Variants in CACNA2D2 observed in about 807,000 individuals in gnomAD.
The protein encoded by CACNA2D2 is voltage-dependent calcium channel subunit alpha-2/delta-2.
CACNA2D2 carries 48 observed loss-of-function variants against 166.4 expected under a neutral mutation model. The ratio of observed to expected loss-of-function variants is 0.29; its 90% confidence interval spans 0.23 to 0.37. The LOEUF is 0.37. CACNA2D2 is among the 10% of genes least tolerant of loss of function. CACNA2D2 has a pLI of 1.00. For missense variants in CACNA2D2, 1,122 were observed against 1,433.0 expected (o/e 0.78, Z 3.50); for synonymous variants, 561 against 573.7 (o/e 0.98, Z 0.32).
At chr3:50,422,047 A>AC (rs1707593662) in intron 3 of CACNA2D2, among the ~76,000 whole-genome samples, 1 of 151,932 alleles carries the variant, frequency 6.6e-6, no homozygotes, top group African/African-American at 2.4e-5. Context: ...AGATCCCCTG[A>AC]CCCAAAGGCA....
intron 2 of CACNA2D2, among the ~76,000 whole-genome samples, chr3:50,441,211 ACTT>A (rs1157911854): frequency 6.6e-6 from 1 of 152,088 alleles, no homozygotes; most frequent in Non-Finnish European, 1.5e-5. Context: ...TCAAGAGGCA[ACTT>A]CTAGGAGCTT....
intron 2 of CACNA2D2, among the ~76,000 whole-genome samples, chr3:50,474,003 G>A (rs1395586493): frequency 2.6e-5 from 4 of 152,348 alleles, no homozygotes; most frequent in Non-Finnish European, 5.9e-5. Flanking sequence ...TGCCTGCCAC[G>A]CTGAGCACGG....
In CACNA2D2 at chr3:50,379,637, G is replaced by A. The variant is rs1705195140; in HGVS notation, c.994-47C>T. On this transcript the variant is annotated intron_variant, in intron 10 of 37. Coordinates refer to ENST00000424201, the MANE Select transcript of CACNA2D2 (RefSeq NM_006030.4). This position sits in a 1 kb window ranked among gnomAD's most constrained non-coding sequence, Gnocchi z 6.5. ...GAGTGGCCTCAGGCTGGCCGGGGTA[G>A]GCAGCTATTGCATGGGGCTGGTGAT... is the stretch of plus-strand genomic sequence containing the variant. The A allele has an allele frequency of 4.3e-6, 7 of 1,612,418 alleles. No homozygotes were observed. Among genetic ancestry groups the A allele is most frequent in the Non-Finnish European group, 5.1e-6 (6 of 1,178,938 alleles).
intron 3 of CACNA2D2, among the ~76,000 whole-genome samples, chr3:50,413,732 A>G (rs1032417676): frequency 1.3e-5 from 2 of 152,146 alleles, no homozygotes; most frequent in African/African-American, 4.8e-5. Context: ...CTGTAATCCC[A>G]GTTACTTGGG....
chr3:50,403,436 C>T (rs1706545485), intron 3 of CACNA2D2, among the ~76,000 whole-genome samples: 2 of 152,208 alleles, frequency 1.3e-5, no homozygotes, highest in Admixed American at 6.5e-5. Flanking sequence ...GCACCAACTT[C>T]GCTGGAGATC....
chr3:50,476,180 G>A lies in CACNA2D2; in HGVS notation c.226C>T (p.Arg76Cys), dbSNP rs758525283. 6 of 1,595,340 alleles carry A rather than the reference G, an allele frequency of 3.8e-6. No homozygotes were observed. Among genetic ancestry groups the A allele is most frequent in the Non-Finnish European group, 5.1e-6 (6 of 1,171,896 alleles). Residue 76 changes from arginine to cysteine, a missense_variant, in exon 2 of 38, where the codon CGT (arginine) becomes TGT (cysteine). Around this residue, in one of 2 missense-constraint regions of CACNA2D2, gnomAD observed 840 missense variants for 1,166.8 expected, o/e 0.72. Transcript: ENST00000424201. Reference sequence around the variant, plus strand: ...ACGCCGTCGACCTCCTGCTCCAGACGCCGGGCCCAGTGCTGCATCCTGTAT... The same window carrying A: ...ACGCCGTCGACCTCCTGCTCCAGACACCGGGCCCAGTGCTGCATCCTGTAT... Reference protein sequence around the residue: ...QQHTMQHWARRLEQEVDGVMR... With the variant: ...QQHTMQHWARCLEQEVDGVMR...
intron 2 of CACNA2D2, among the ~76,000 whole-genome samples, chr3:50,460,316 A>G (rs1447261126): frequency 6.6e-6 from 1 of 152,196 alleles, no homozygotes; most frequent in African/African-American, 2.4e-5. Flanking sequence ...TAGTTTTGAT[A>G]TTTATACCAC....
In CACNA2D2 at chr3:50,364,315, T is replaced by G. The variant is rs1575576035; in HGVS notation, c.*351A>C. Reference sequence around the variant, plus strand: ...AGAGGCCGGGTCAGCTGAGGCAGGGTCCCCCCCAACATAGGCAGCCTCCAG... The same window carrying G: ...AGAGGCCGGGTCAGCTGAGGCAGGGGCCCCCCCAACATAGGCAGCCTCCAG... On this transcript the variant is annotated 3_prime_UTR_variant, in exon 38 of 38. Coordinates refer to ENST00000424201, the MANE Select transcript of CACNA2D2 (RefSeq NM_006030.4). 3.5e-6 allele frequency: 1 copy of G among 287,278 alleles called. No individual in the cohort carries two copies. The allele number at this position is 287,278 out of a possible 1,614,324, so 17.8% of individuals were successfully genotyped here.
intron 3 of CACNA2D2, among the ~76,000 whole-genome samples, chr3:50,415,495 T>A (rs1378825560): frequency 6.6e-6 from 1 of 152,150 alleles, no homozygotes; most frequent in African/African-American, 2.4e-5. Context: ...AGATCGGATA[T>A]CAAAGGCTGA....
chr3:50,488,208 C>T (rs996922185), intron 1 of CACNA2D2, among the ~76,000 whole-genome samples: 33 of 152,162 alleles, frequency 2.2e-4, no homozygotes, highest in African/African-American at 8.0e-4. Flanking sequence ...ACAGACCGAC[C>T]GTGGGCACCA....
At chr3:50,502,429 C>A (rs1055728099) in intron 1 of CACNA2D2, among the ~76,000 whole-genome samples, 6 of 152,202 alleles carry the variant, frequency 3.9e-5, no homozygotes, top group Non-Finnish European at 2.9e-5. Context: ...TAAGCTCACC[C>A]GTAGGAGGCA....
intron 4 of CACNA2D2, among the ~76,000 whole-genome samples, chr3:50,393,448 C>T (rs1191533874): frequency 6.6e-6 from 1 of 152,252 alleles, no homozygotes; most frequent in Non-Finnish European, 1.5e-5. Context: ...CGGTATCCAG[C>T]CCCAGGCAAA....
At chr3:50,384,423 C>T (rs1705488942) in intron 5 of CACNA2D2, 86 bp from the exon 6 acceptor site, 10 of 1,483,128 alleles carry the variant, frequency 6.7e-6, no homozygotes, top group Non-Finnish European at 9.3e-6. Context: ...GCAGGGAGGG[C>T]CAGAGTCCAG....
In CACNA2D2 at chr3:50,377,457, G is replaced by C. The variant is rs780869598; in HGVS notation, c.1626+10C>G. ...AGGCAGGGTACGCGGATGGGCAGGG[G>C]GATGCTCACCGTGTAGTTGGGGGTC... On this transcript the variant is annotated intron_variant, in intron 17 of 37. Transcript: ENST00000424201. The C allele has an allele frequency of 6.2e-7, 1 of 1,609,628 alleles. No individual in the cohort carries two copies. Among genetic ancestry groups the C allele is most frequent in the African/African-American group, 1.3e-5 (1 of 74,850 alleles).
intron 1 of CACNA2D2, among the ~76,000 whole-genome samples, chr3:50,481,524 T>C (rs946918153): frequency 1.3e-5 from 2 of 152,076 alleles, no homozygotes; most frequent in African/African-American, 4.8e-5. Context: ...GAGGGCTGGA[T>C]GACAGGACAG....
At chr3:50,377,976 A>AGCCCCAC in intron 15 of CACNA2D2, 32 bp downstream of exon 15, 1 of 1,591,400 alleles carries the variant, frequency 6.3e-7, no homozygotes, top group South Asian at 1.1e-5. Flanking sequence ...GAAGGGTGCC[A>AGCCCCAC]GCCCCACCCC....
chr3:50,409,936 G>A (rs1444147526), intron 3 of CACNA2D2, among the ~76,000 whole-genome samples: 1 of 152,218 alleles, frequency 6.6e-6, no homozygotes, highest in Non-Finnish European at 1.5e-5. Flanking sequence ...CTTCCCATGT[G>A]GCCTTGGAGT....
rs533947760 is a variant in CACNA2D2, at chr3:50,466,936, T to C, written c.288+9182A>G. On this transcript the variant is annotated intron_variant, in intron 2 of 37. Transcript: ENST00000424201. ...GTATCAGACACCACTGGCCTCAGCA[T>C]TGATCTGGAGGGATTCCTGGAGGAG... Among the ~76,000 whole-genome samples, 10 of 152,304 alleles carry C rather than the reference T, an allele frequency of 6.6e-5. No individual in the cohort carries two copies. The South Asian group carries it at 2.1e-3, about 32-fold the overall frequency.
At chr3:50,463,422 C>G (rs535092482) in intron 2 of CACNA2D2, among the ~76,000 whole-genome samples, 18 of 152,340 alleles carry the variant, frequency 1.2e-4, no homozygotes, top group African/African-American at 4.3e-4. Flanking sequence ...CCTCAGCCTC[C>G]CCAGTGGCTG....
Sources: allele counts gnomAD v4.1 joint callset (sites outside exome capture counted in the v4.1 genomes callset), GRCh38; gene constraint gnomAD v4.1.1; regional missense constraint gnomAD v4.1.1; non-coding constraint Gnocchi (gnomAD v3.1); transcripts MANE v1.5; gene names NCBI Gene and HGNC (gene_info 2026-07-23, HGNC 2026-07-21).